Variants in FARS2 observed in about 807,000 individuals in gnomAD.
The protein encoded by FARS2 is phenylalanine--tRNA ligase, mitochondrial.
Under a neutral mutation model 46.4 loss-of-function variants are expected in FARS2, and 40 were observed. The observed-to-expected ratio is 0.86, with a 90% CI of 0.67 to 1.12. FARS2 has a LOEUF of 1.12. Ranked by LOEUF, FARS2 falls within the 50% of genes most tolerant of loss-of-function variation. FARS2 has a pLI of 0.00. For synonymous variants in FARS2, 234 were observed against 214.9 expected, an observed-to-expected ratio of 1.09 and a Z score of -0.78; for missense variants, 513 against 567.9, an observed-to-expected ratio of 0.90 and a Z score of 0.98.
intron 1 of FARS2, among the ~76,000 whole-genome samples, chr6:5,290,846 A>G (rs986963485): frequency 3.3e-5 from 5 of 152,122 alleles, no homozygotes; most frequent in African/African-American, 1.2e-4. Context: ...CAGCTTCTCC[A>G]GTAACTGGGA....
intron 3 of FARS2, among the ~76,000 whole-genome samples, chr6:5,407,415 A>G (rs973802454): frequency 2.6e-5 from 4 of 152,112 alleles, no homozygotes; most frequent in Non-Finnish European, 5.9e-5. Flanking sequence ...TTTTTAGAAT[A>G]TCTTGACTGC....
chr6:5,396,837 G>A (rs12200334), intron 2 of FARS2, among the ~76,000 whole-genome samples: 34,716 of 151,980 alleles, frequency 0.23, 4,232 homozygotes, highest in Middle Eastern at 0.28. Context: ...CTTCAAGAGC[G>A]GTAAATTGGT....
At chr6:5,460,245 A>G (rs1188467155) in intron 4 of FARS2, among the ~76,000 whole-genome samples, 3 of 152,182 alleles carry the variant, frequency 2.0e-5, no homozygotes, top group East Asian at 1.9e-4. Context: ...ATACATTCAC[A>G]TACATCGCTC....
chr6:5,701,891 A>T (rs1039341525), intron 6 of FARS2, among the ~76,000 whole-genome samples: 6 of 152,220 alleles, frequency 3.9e-5, no homozygotes, highest in African/African-American at 1.4e-4. Context: ...ACTCATTTTT[A>T]TTAACATATA....
At chr6:5,325,063 A>G (rs1770266827) in intron 1 of FARS2, among the ~76,000 whole-genome samples, 1 of 152,212 alleles carries the variant, frequency 6.6e-6, no homozygotes, top group African/African-American at 2.4e-5. Flanking sequence ...AGTGTTTAAA[A>G]CCTTCCTTTT....
intron 4 of FARS2, among the ~76,000 whole-genome samples, chr6:5,506,387 A>G (rs1278295470): frequency 6.6e-6 from 1 of 152,212 alleles, no homozygotes; most frequent in Non-Finnish European, 1.5e-5. Flanking sequence ...AGTTGAAACT[A>G]AAACCTGAAC....
chr6:5,719,026 G>A (rs1332606674), intron 6 of FARS2, among the ~76,000 whole-genome samples: 1 of 152,142 alleles, frequency 6.6e-6, no homozygotes, highest in Non-Finnish European at 1.5e-5. Context: ...ATCATAGTCA[G>A]GATCTGAGAT....
intron 6 of FARS2, among the ~76,000 whole-genome samples, chr6:5,723,676 C>A (rs770942628): frequency 5.9e-5 from 9 of 152,254 alleles, no homozygotes; most frequent in East Asian, 1.9e-4. Flanking sequence ...TTTTGTTTTG[C>A]GTGTGAGGAA....
At chr6:5,697,966 A>T (rs1269979658) in intron 6 of FARS2, among the ~76,000 whole-genome samples, 2 of 152,206 alleles carry the variant, frequency 1.3e-5, no homozygotes, top group African/African-American at 4.8e-5. Context: ...TTAGAACTCA[A>T]TGTAGAAAAT....
chr6:5,529,947 A>G (rs1769718965), intron 4 of FARS2, among the ~76,000 whole-genome samples: 1 of 152,216 alleles, frequency 6.6e-6, no homozygotes, highest in African/African-American at 2.4e-5. Context: ...GGCAGCCAAC[A>G]CCAGACATGT....
chr6:5,625,370 G>A (rs528641810), intron 6 of FARS2, among the ~76,000 whole-genome samples: 1 of 152,192 alleles, frequency 6.6e-6, no homozygotes, highest in Non-Finnish European at 1.5e-5. Context: ...ACACAGGGGT[G>A]CAGGCTGAGG....
At chr6:5,514,449 A>G (rs1768661976) in intron 4 of FARS2, among the ~76,000 whole-genome samples, 2 of 152,296 alleles carry the variant, frequency 1.3e-5, no homozygotes, top group African/African-American at 2.4e-5. Context: ...AAAAGTCTAA[A>G]CATTCATGAA....
At chr6:5,274,765 C>T (rs1766213425) in intron 1 of FARS2, among the ~76,000 whole-genome samples, 1 of 152,132 alleles carries the variant, frequency 6.6e-6, no homozygotes, top group Non-Finnish European at 1.5e-5. Flanking sequence ...AGCTGGAGTG[C>T]AGTGGCACAG....
intron 2 of FARS2, among the ~76,000 whole-genome samples, chr6:5,386,900 T>C (rs567674996): frequency 6.6e-6 from 1 of 152,264 alleles, no homozygotes; most frequent in African/African-American, 2.4e-5. Context: ...ATGTGATCTA[T>C]GGGCATATGA....
intron 2 of FARS2, among the ~76,000 whole-genome samples, chr6:5,389,658 GCTAA>G (rs1760363630): frequency 1.3e-5 from 2 of 152,112 alleles, no homozygotes; most frequent in African/African-American, 4.8e-5. Context: ...TACGGTAGTG[GCTAA>G]CTGACTTACC....
In FARS2 at chr6:5,444,127, A is replaced by G. The variant is rs201684105; in HGVS notation, c.904+12955A>G. Among the ~76,000 whole-genome samples the G allele has an allele frequency of 2.6e-3, 228 of 87,522 alleles. 1 individual carries two copies. Among genetic ancestry groups the G allele is most frequent in the African/African-American group, 9.7e-3 (184 of 18,966 alleles). The allele number at this position is 87,522 out of a possible 152,430, so 57.4% of individuals were successfully genotyped here. A position where few individuals can be genotyped will look rare whatever the true frequency, so the allele number is the denominator to read the frequency against. Reference sequence around the variant, plus strand: ...TGTGTGTGTGTGTGTGTGTGTGTGTATGTGTGCATGCACGCACGTGCATAT... The same window carrying G: ...TGTGTGTGTGTGTGTGTGTGTGTGTGTGTGTGCATGCACGCACGTGCATAT... On this transcript the variant is annotated intron_variant, in intron 4 of 6. Coordinates refer to ENST00000274680, the MANE Select transcript of FARS2 (RefSeq NM_006567.5).
intron 6 of FARS2, among the ~76,000 whole-genome samples, chr6:5,740,070 A>G (rs780566739): frequency 2.0e-5 from 3 of 152,194 alleles, no homozygotes; most frequent in African/African-American, 7.2e-5. Context: ...CATGCTTCCG[A>G]CCACTGCATG....
chr6:5,380,619 C>T (rs1165766914), intron 2 of FARS2, among the ~76,000 whole-genome samples: 1 of 152,162 alleles, frequency 6.6e-6, no homozygotes, highest in Non-Finnish European at 1.5e-5. Context: ...GCAGCCGGTG[C>T]CACTCGCATA....
chr6:5,430,323 T>C (rs1763090154), intron 3 of FARS2, among the ~76,000 whole-genome samples: 1 of 152,184 alleles, frequency 6.6e-6, no homozygotes, highest in Admixed American at 6.5e-5. Context: ...TTGCAGGCTT[T>C]AATTGTTTTG....
Sources: allele counts gnomAD v4.1 joint callset (sites outside exome capture counted in the v4.1 genomes callset), GRCh38; gene constraint gnomAD v4.1.1; transcripts MANE v1.5; gene names NCBI Gene and HGNC (gene_info 2026-07-23, HGNC 2026-07-21).